The following SPNS2 variants were observed in gnomAD, a reference collection of about 807,000 sequenced individuals.
SPNS2 encodes SPNS lysolipid transporter 2, sphingosine-1-phosphate, also known as sphingosine-1-phosphate transporter SPNS2.
Under a neutral mutation model 57.6 loss-of-function variants are expected in SPNS2, and 37 were observed. That is an observed-to-expected ratio of 0.64 (90% CI 0.49 to 0.85). The LOEUF is 0.85. SPNS2 is among the 40% of genes least tolerant of loss of function. SPNS2 has a pLI of 0.00. For synonymous variants in SPNS2, 440 were observed against 346.9 expected (o/e 1.27, Z -2.98); for missense variants, 831 against 779.1 (o/e 1.07, Z -0.79).
At chr17:4,516,840 G>A (rs1905009061) in intron 2 of SPNS2, among the ~76,000 whole-genome samples, 1 of 152,238 alleles carries the variant, frequency 6.6e-6, no homozygotes, top group Non-Finnish European at 1.5e-5. Context: ...CGGAGTGGGA[G>A]CTAGAATTGA....
intron 6 of SPNS2, 71 bp downstream of exon 6, chr17:4,532,755 G>T: frequency 6.4e-7 from 1 of 1,557,562 alleles, no homozygotes; most frequent in Non-Finnish European, 8.7e-7. Context: ...GTCCCTGCAG[G>T]GCAGCCCACT....
At chr17:4,518,262 C>T (rs11652848) in intron 2 of SPNS2, among the ~76,000 whole-genome samples, 28,519 of 152,182 alleles carry the variant, frequency 0.19, 3,391 homozygotes, top group South Asian at 0.35. Flanking sequence ...CGGTGGCTCA[C>T]GCCTGTAATC....
intron 2 of SPNS2, among the ~76,000 whole-genome samples, chr17:4,521,876 A>G (rs1380086787): frequency 6.6e-6 from 1 of 152,202 alleles, no homozygotes; most frequent in Non-Finnish European, 1.5e-5. Context: ...GCTTGAACTC[A>G]GCCAGGGCGG....
chr17:4,514,060 G>C (rs891560255), intron 2 of SPNS2, among the ~76,000 whole-genome samples: 4 of 152,242 alleles, frequency 2.6e-5, no homozygotes, highest in African/African-American at 9.6e-5. Flanking sequence ...ATGGCCCTGT[G>C]GGAGCTGGGC....
rs759572076 is a variant in SPNS2, at chr17:4,511,108, C to T, written c.371-2139C>T. ...TAGCGGGAAGCGGTAACTAGCGGCT[C>T]TCAGCTCAGGAGGAGCTCATAGCTG... On this transcript the variant is annotated intron_variant, in intron 1 of 12. Transcript: ENST00000329078. The surrounding 1 kb of genome is among the most constrained non-coding windows in gnomAD (Gnocchi z 4.6). Among the ~76,000 whole-genome samples, 93 of 152,344 alleles carry T rather than the reference C, an allele frequency of 6.1e-4. 2 individuals are homozygous for T. The highest frequency in any genetic ancestry group is 2.2e-4 in the Non-Finnish European group (15 of 68,038).
chr17:4,526,743 A>C (rs1481399607), intron 3 of SPNS2, among the ~76,000 whole-genome samples: 1 of 152,174 alleles, frequency 6.6e-6, no homozygotes, highest in Non-Finnish European at 1.5e-5. Flanking sequence ...AGCTCTGGAA[A>C]AGTTTGAAGA....
At chr17:4,521,527 A>G (rs549223399) in intron 2 of SPNS2, among the ~76,000 whole-genome samples, 2 of 152,196 alleles carry the variant, frequency 1.3e-5, no homozygotes, top group Non-Finnish European at 2.9e-5. Flanking sequence ...GAGAGCTGCT[A>G]TTTTTATCTT....
At chr17:4,517,817 G>A (rs1229892983) in intron 2 of SPNS2, among the ~76,000 whole-genome samples, 3 of 152,124 alleles carry the variant, frequency 2.0e-5, no homozygotes, top group Non-Finnish European at 4.4e-5. Context: ...TGTAAGACAA[G>A]AACAGAACAT....
chr17:4,512,675 C>CGCGG lies in SPNS2; in HGVS notation c.371-571_371-570insCGGG, dbSNP rs1411073469. ...GCGCGCACGGGTATGTGTGTGCGCG[C>CGCGG]GTGGGTGTGTATGCATGTGTGCAGG... On this transcript the variant is annotated intron_variant, in intron 1 of 12. Coordinates refer to ENST00000329078, the MANE Select transcript of SPNS2 (RefSeq NM_001124758.3). This position sits in a 1 kb window ranked among gnomAD's most constrained non-coding sequence, Gnocchi z 5.2. Among the ~76,000 whole-genome samples the CGCGG allele has an allele frequency of 5.1e-3, 765 of 151,218 alleles. 4 individuals carry two copies. Among genetic ancestry groups the CGCGG allele is most frequent in the African/African-American group, 0.018 (721 of 41,132 alleles).
chr17:4,501,355 A>T (rs1904504630), intron 1 of SPNS2, among the ~76,000 whole-genome samples: 1 of 152,090 alleles, frequency 6.6e-6, no homozygotes, highest in Non-Finnish European at 1.5e-5. Flanking sequence ...GCTGGCACTT[A>T]TCTGCTCCCA....
At position 4,538,852 on chromosome 17, in the gene SPNS2, TCAGCGGGGCCC is replaced by T. The variant is rs1408626294; in HGVS notation, c.*1410_*1420del. 9 of 779,726 alleles carry T rather than the reference TCAGCGGGGCCC, an allele frequency of 1.2e-5. No individual in the cohort carries two copies. In the African/African-American group the frequency reaches 1.5e-4, roughly 13 times the overall value. The allele number at this position is 779,726 out of a possible 1,614,324, so 48.3% of individuals were successfully genotyped here. On this transcript the variant is annotated 3_prime_UTR_variant, in exon 13 of 13. Transcript: ENST00000329078. ...ACCAGCCTCCACCCCCACTCCAGCCTCAGCGGGGCCCCAGCGATGTTTTCTTGTTGTACAAG... is the reference window on the plus strand; with the variant it reads ...ACCAGCCTCCACCCCCACTCCAGCCTCAGCGATGTTTTCTTGTTGTACAAG...
chr17:4,513,340 C>A (rs77483673), intron 2 of SPNS2, 28 bp downstream of exon 2: 68,192 of 1,611,956 alleles, frequency 0.042, 1,710 homozygotes, highest in Middle Eastern at 0.054. Flanking sequence ...CCTTCCCCCC[C>A]ACGCCCAGGC....
rs1263340896 is a variant in SPNS2, at chr17:4,537,825, C to T, written c.*377C>T. 2 of 454,884 alleles carry T rather than the reference C, an allele frequency of 4.4e-6. No homozygotes were observed. The highest frequency in any genetic ancestry group is 8.9e-6 in the Non-Finnish European group (2 of 225,576). 28.2% of individuals were successfully genotyped at this position (454,884 alleles called of 1,614,324 possible). ...TGGAACGAAGGGCCAGGGGGCTGGA[C>T]TTTCCCACACAACTTGCTGGGCAAA... On this transcript the variant is annotated 3_prime_UTR_variant, in exon 13 of 13. Coordinates refer to ENST00000329078, the MANE Select transcript of SPNS2 (RefSeq NM_001124758.3).
intron 1 of SPNS2, among the ~76,000 whole-genome samples, chr17:4,503,025 C>T (rs545611583): frequency 2.0e-5 from 3 of 152,248 alleles, no homozygotes; most frequent in Non-Finnish European, 2.9e-5. Context: ...TGTGCTTGCT[C>T]TTCTTACCGA....
At chr17:4,536,564 T>G in intron 11 of SPNS2, 138 bp downstream of exon 11, 1 of 1,132,836 alleles carries the variant, frequency 8.8e-7, no homozygotes, top group Non-Finnish European at 1.2e-6. Flanking sequence ...GTTGCTGGGG[T>G]CCAGCCCTGA....
chr17:4,520,135 A>C (rs1283340793), intron 2 of SPNS2, among the ~76,000 whole-genome samples: 3 of 152,206 alleles, frequency 2.0e-5, no homozygotes, highest in Non-Finnish European at 2.9e-5. Flanking sequence ...TTGGGGCCTC[A>C]GTGACCTCAG....
At chr17:4,502,644 T>A (rs1230497054) in intron 1 of SPNS2, among the ~76,000 whole-genome samples, 1 of 152,036 alleles carries the variant, frequency 6.6e-6, no homozygotes, top group African/African-American at 2.4e-5. Flanking sequence ...ATCATTCCCC[T>A]CCCGCCTGCC....
At chr17:4,531,372 C>T (rs913226478) in intron 5 of SPNS2, among the ~76,000 whole-genome samples, 1 of 152,218 alleles carries the variant, frequency 6.6e-6, no homozygotes, top group African/African-American at 2.4e-5. Context: ...TGGAATCTCC[C>T]ACCCGGGAGT....
intron 2 of SPNS2, among the ~76,000 whole-genome samples, chr17:4,523,442 C>A (rs921553878): frequency 3.3e-5 from 5 of 151,974 alleles, no homozygotes; most frequent in African/African-American, 1.2e-4. Context: ...CACTGTCTCA[C>A]AAACAAATAA....
Sources: gnomAD v4.1 joint callset for allele counts (sites outside exome capture counted in the v4.1 genomes callset) on GRCh38, gnomAD v4.1.1 for gene constraint, Gnocchi (gnomAD v3.1) non-coding constraint, MANE v1.5 for transcripts, NCBI Gene and HGNC (gene_info 2026-07-23, HGNC 2026-07-21) for gene names.